The following LRIG1 variants were observed in gnomAD, a reference collection of about 807,000 sequenced individuals.
LRIG1 encodes the protein leucine rich repeats and immunoglobulin like domains 1, also known as leucine-rich repeats and immunoglobulin-like domains protein 1.
In LRIG1, 48 loss-of-function variants were observed where a neutral mutation model predicts 99.2. That is an observed-to-expected ratio of 0.48 (90% confidence interval 0.38 to 0.62). The LOEUF is 0.62. Among genes scored for constraint, LRIG1 ranks in the 20% least tolerant of loss-of-function variants. The pLI is 0.00. For missense variants in LRIG1, 1,646 were observed against 1,434.4 expected (o/e 1.15, Z -2.38); for synonymous variants, 772 against 596.1 (o/e 1.29, Z -4.30).
At chr3:66,382,776 T>TGAGTATTCCTGTTTAAGGTTAAATTTGA (rs373600975) in intron 15 of LRIG1, among the ~76,000 whole-genome samples, 16 of 152,220 alleles carry the variant, frequency 1.1e-4, no homozygotes, top group Non-Finnish European at 1.9e-4. Flanking sequence ...CTTGTATTTG[T>TGAGTATTCCTGTTTAAGGTTAAATTTGA]GAGTATTCCT....
chr3:66,425,338 A>C (rs1036240749), intron 3 of LRIG1, among the ~76,000 whole-genome samples: 1 of 152,252 alleles, frequency 6.6e-6, no homozygotes, highest in African/African-American at 2.4e-5. Flanking sequence ...CAGGTGGCCC[A>C]GCTCTCATAC....
At chr3:66,401,330 A>G (rs1245301393) in intron 9 of LRIG1, among the ~76,000 whole-genome samples, 2 of 152,200 alleles carry the variant, frequency 1.3e-5, no homozygotes, top group African/African-American at 2.4e-5. Context: ...TTCAGAGAGC[A>G]CTGCCAACTT....
chr3:66,412,134 A>G (rs1702486632), intron 6 of LRIG1, among the ~76,000 whole-genome samples: 1 of 152,226 alleles, frequency 6.6e-6, no homozygotes, highest in Admixed American at 6.5e-5. Flanking sequence ...CTGCTGCTGT[A>G]CACATCTGGC....
intron 3 of LRIG1, among the ~76,000 whole-genome samples, chr3:66,424,050 G>A (rs113451118): frequency 7.9e-5 from 12 of 152,264 alleles, no homozygotes; most frequent in Admixed American, 4.6e-4. Flanking sequence ...TCTCAGGAAC[G>A]AAGGGCTGAC....
At chr3:66,401,603 C>T in intron 9 of LRIG1, 1 of 1,520,012 alleles carries the variant, frequency 6.6e-7, no homozygotes, top group Non-Finnish European at 8.8e-7. Context: ...TAGGCAGGGT[C>T]CTTACCTTCC....
chr3:66,491,364 A>G (rs1701097712), intron 1 of LRIG1, among the ~76,000 whole-genome samples: 1 of 152,164 alleles, frequency 6.6e-6, no homozygotes, highest in Non-Finnish European at 1.5e-5. Flanking sequence ...CTTGGTAGAA[A>G]CCTCCCAAGT....
Position 66,493,923 on chromosome 3 carries a change from GAAAGAAA to G in LRIG1, c.218+6260_218+6266del, listed in dbSNP as rs201496230. 9.5e-3 allele frequency among the ~76,000 whole-genome samples: 1,317 copies of G among 138,154 alleles called. 17 individuals carry two copies. The highest frequency in any genetic ancestry group is 0.033 in the African/African-American group (1,217 of 37,442). The allele number at this position is 138,154 out of a possible 152,430, so 90.6% of individuals were successfully genotyped here. On this transcript the variant is annotated intron_variant, in intron 1 of 18. Transcript: ENST00000273261. ...GGAAAAAAAGAAAGAAGGGAGGAGA[GAAAGAAA>G]AAAGAAAAAGAAAACAGAGAAAGAA...
At chr3:66,455,967 T>C (rs917102691) in intron 2 of LRIG1, among the ~76,000 whole-genome samples, 1 of 152,246 alleles carries the variant, frequency 6.6e-6, no homozygotes, top group African/African-American at 2.4e-5. Context: ...GTGAATGACA[T>C]GCTAACACTT....
intron 3 of LRIG1, among the ~76,000 whole-genome samples, chr3:66,435,286 T>C (rs985067428): frequency 1.3e-5 from 2 of 152,146 alleles, no homozygotes; most frequent in Non-Finnish European, 2.9e-5. Flanking sequence ...GGGCTAGGCA[T>C]GGTGGGTCAA....
At chr3:66,414,037 A>C (rs1243667736) in intron 5 of LRIG1, among the ~76,000 whole-genome samples, 1 of 152,208 alleles carries the variant, frequency 6.6e-6, no homozygotes, top group Admixed American at 6.5e-5. Context: ...ACTTGAATCT[A>C]AAACTCTGCC....
At position 66,410,136 on chromosome 3, in the gene LRIG1, G is replaced by A. The variant is rs767735099; in HGVS notation, c.928C>T (p.His310Tyr). 1.2e-6 allele frequency: 2 copies of A among 1,611,892 alleles called. No homozygotes were observed. Among genetic ancestry groups the A allele is most frequent in the Non-Finnish European group, 1.7e-6 (2 of 1,178,792 alleles). The change falls in exon 7 of 19, where the codon CAT becomes TAT. Residue 310 changes from histidine to tyrosine, a missense_variant. By Grantham distance (83) the His-to-Tyr change is moderately conservative (BLOSUM62 2). Transcript: ENST00000273261. ...RKGWSFCQKLHELVLSFNNLT... is the reference protein window; with the variant it reads ...RKGWSFCQKLYELVLSFNNLT... ...AGAGCCGAGGACACTTACAACTCAT[G>A]CAGCTTCTGGCAGAAGCTCCAGCCC...
chr3:66,381,426 G>A, intron 17 of LRIG1, 53 bp downstream of exon 17: 1 of 1,576,700 alleles, frequency 6.3e-7, no homozygotes, highest in Non-Finnish European at 8.7e-7. Context: ...GACTAGGTCA[G>A]CCCAAATTTC....
At chr3:66,478,630 C>T (rs1287588312) in intron 1 of LRIG1, among the ~76,000 whole-genome samples, 1 of 152,182 alleles carries the variant, frequency 6.6e-6, no homozygotes, top group Non-Finnish European at 1.5e-5. Flanking sequence ...GACTAGAGGA[C>T]TAACAGAGGC....
intron 6 of LRIG1, 135 bp from the exon 7 acceptor site, chr3:66,410,407 G>A: frequency 1.3e-6 from 1 of 792,644 alleles, no homozygotes; most frequent in Non-Finnish European, 2.0e-6. Flanking sequence ...GAACTGTGGA[G>A]TCTAGTCGCA....
intron 1 of LRIG1, among the ~76,000 whole-genome samples, chr3:66,473,171 G>C (rs1700643061): frequency 6.6e-6 from 1 of 152,140 alleles, no homozygotes; most frequent in Non-Finnish European, 1.5e-5. Context: ...AAAGTGGTTT[G>C]TTTTCAACAA....
intron 1 of LRIG1, among the ~76,000 whole-genome samples, chr3:66,482,502 T>G (rs931810477): frequency 6.6e-6 from 1 of 152,174 alleles, no homozygotes; most frequent in African/African-American, 2.4e-5. Context: ...ATTAAACTGG[T>G]ACATGATTAC....
At chr3:66,384,492 C>CCTA (rs1701263893) in intron 13 of LRIG1, among the ~76,000 whole-genome samples, 2 of 152,110 alleles carry the variant, frequency 1.3e-5, no homozygotes, top group Admixed American at 6.5e-5. Flanking sequence ...CATTGTACAC[C>CCTA]CTAGGCTGGC....
At chr3:66,476,786 T>C (rs988278075) in intron 1 of LRIG1, among the ~76,000 whole-genome samples, 6 of 152,210 alleles carry the variant, frequency 3.9e-5, no homozygotes, top group Admixed American at 3.3e-4. Flanking sequence ...TCTGATTCCA[T>C]ACGCAGGATT....
chr3:66,380,164 T>C lies in LRIG1; in HGVS notation c.*99A>G, dbSNP rs571029652. 5 of 915,580 alleles carry C rather than the reference T, an allele frequency of 5.5e-6. No individual in the cohort carries two copies. Among genetic ancestry groups the C allele is most frequent in the African/African-American group, 5.0e-5 (3 of 60,318 alleles). 56.7% of individuals were successfully genotyped at this position (915,580 alleles called of 1,614,324 possible). A position where few individuals can be genotyped will look rare whatever the true frequency, so the allele number is the denominator to read the frequency against. The stretch of plus-strand genomic sequence containing the variant: ...ATACTCCACATGGGAGTTACAACTA[T>C]GTACAGATGAGTGACGCTTGAACCC... On this transcript the variant is annotated 3_prime_UTR_variant, in exon 19 of 19. Transcript: ENST00000273261.
Sources: gnomAD v4.1 joint callset for allele counts (sites outside exome capture counted in the v4.1 genomes callset) on GRCh38, gnomAD v4.1.1 for gene constraint, MANE v1.5 for transcripts, NCBI Gene and HGNC (gene_info 2026-07-23, HGNC 2026-07-21) for gene names.